The following AGBL1 variants were observed in gnomAD, a reference collection of about 807,000 sequenced individuals.
AGBL1 encodes the protein cytosolic carboxypeptidase 4.
In AGBL1, 130 loss-of-function variants were observed where a neutral mutation model predicts 118.9. The ratio of observed to expected loss-of-function variants is 1.09; its 90% CI spans 0.95 to 1.26. The LOEUF (loss-of-function observed/expected upper bound fraction) is 1.26. Among genes scored for constraint, AGBL1 ranks in the 50% most tolerant of loss-of-function variants. The pLI is 0.00. For missense variants in AGBL1, 1,584 were observed against 1,298.1 expected (o/e 1.22, Z -3.38); for synonymous variants, 555 against 478.9 (o/e 1.16, Z -2.08).
chr15:86,454,156 A>T (rs769035525), intron 18 of AGBL1, among the ~76,000 whole-genome samples: 3 of 152,114 alleles, frequency 2.0e-5, no homozygotes, highest in Non-Finnish European at 4.4e-5. Context: ...GAATCTTTGG[A>T]CTAACCTTAG....
intron 1 of AGBL1, among the ~76,000 whole-genome samples, chr15:86,088,803 A>G (rs1433874721): frequency 6.6e-6 from 1 of 152,136 alleles, no homozygotes; most frequent in Non-Finnish European, 1.5e-5. Flanking sequence ...CTCAGAGAGG[A>G]TTTCTCTGAC....
chr15:86,736,915 T>G (rs2077610503), intron 22 of AGBL1, among the ~76,000 whole-genome samples: 8 of 152,178 alleles, frequency 5.3e-5, no homozygotes. Context: ...GTTTGATCAT[T>G]GGTAATTTCT....
rs184000916 is a variant in AGBL1, at chr15:86,100,488, G to A, written c.51+20465G>A. On this transcript the variant is annotated intron_variant, in intron 1 of 22. Coordinates refer to ENST00000614907, the MANE Select transcript of AGBL1 (RefSeq NM_001386094.1). ...GGGAGAAAGAAAAACCCAGTCTCCC[G>A]TCTTTTGATGGGAGACTTTTTTTTT... is the stretch of plus-strand genomic sequence containing the variant. Among the ~76,000 whole-genome samples the A allele has an allele frequency of 8.6e-4, 131 of 152,054 alleles. 1 individual carries two copies. The highest frequency in any genetic ancestry group is 2.7e-3 in the African/African-American group (114 of 41,484).
chr15:86,801,294 T>C (rs1184966539), intron 22 of AGBL1, among the ~76,000 whole-genome samples: 1 of 147,786 alleles, frequency 6.8e-6, no homozygotes, highest in African/African-American at 2.5e-5. Flanking sequence ...TCTTGGCTTA[T>C]AACTGTTGAT....
At chr15:86,691,842 C>G (rs1392928815) in intron 22 of AGBL1, among the ~76,000 whole-genome samples, 2 of 152,182 alleles carry the variant, frequency 1.3e-5, no homozygotes, top group African/African-American at 4.8e-5. Flanking sequence ...ACAAGGGCCA[C>G]GGGACTGCAT....
intron 1 of AGBL1, among the ~76,000 whole-genome samples, chr15:86,084,066 CT>C (rs976954159): frequency 3.9e-5 from 6 of 152,306 alleles, no homozygotes; most frequent in African/African-American, 7.2e-5. Flanking sequence ...TGAAAACTGT[CT>C]TAATTTCAAG....
chr15:86,300,403 T>C (rs2079727532), intron 17 of AGBL1, among the ~76,000 whole-genome samples: 1 of 152,158 alleles, frequency 6.6e-6, no homozygotes, highest in African/African-American at 2.4e-5. Flanking sequence ...AACAACATTG[T>C]CTTGACTGTC....
At chr15:86,412,108 T>C (rs945829632) in intron 18 of AGBL1, among the ~76,000 whole-genome samples, 3 of 152,182 alleles carry the variant, frequency 2.0e-5, no homozygotes, top group Non-Finnish European at 4.4e-5. Flanking sequence ...TTCATCATCA[T>C]CAAAGCTTGG....
chr15:86,644,851 CAAAAAAA>C (rs11434077), intron 21 of AGBL1, among the ~76,000 whole-genome samples: 1 of 99,628 alleles, frequency 1.0e-5, no homozygotes, highest in African/African-American at 4.1e-5. Flanking sequence ...ACTAAAAATA[CAAAAAAA>C]AAAAAAAAAA....
At chr15:86,952,913 A>C (rs2080894305) in intron 23 of AGBL1, among the ~76,000 whole-genome samples, 1 of 152,194 alleles carries the variant, frequency 6.6e-6, no homozygotes, top group Admixed American at 6.5e-5. Context: ...ATGCAAGCAT[A>C]AGTCATTGAA....
chr15:86,113,287 CTTTTT>C (rs548790563), intron 1 of AGBL1, among the ~76,000 whole-genome samples: 1 of 97,382 alleles, frequency 1.0e-5, no homozygotes, highest in African/African-American at 3.9e-5. Flanking sequence ...TTCTTTCTTT[CTTTTT>C]TTTTTTTTTT....
intron 4 of AGBL1, among the ~76,000 whole-genome samples, chr15:86,156,074 A>G (rs549392908): frequency 6.6e-6 from 1 of 152,126 alleles, no homozygotes; most frequent in Non-Finnish European, 1.5e-5. Context: ...GGGACCTGCC[A>G]TCATGCCTGG....
intron 1 of AGBL1, among the ~76,000 whole-genome samples, chr15:86,141,518 G>A (rs1319619801): frequency 6.6e-6 from 1 of 152,184 alleles, no homozygotes; most frequent in Non-Finnish European, 1.5e-5. Context: ...AGGGGTGGTG[G>A]CACATGCCTG....
At chr15:86,901,044 T>C (rs551595156) in intron 22 of AGBL1, among the ~76,000 whole-genome samples, 1 of 152,188 alleles carries the variant, frequency 6.6e-6, no homozygotes, top group East Asian at 1.9e-4. Flanking sequence ...ATAAGTTTTC[T>C]CTTCATACCC....
At chr15:87,023,440 G>C (rs117473864) in intron 24 of AGBL1, among the ~76,000 whole-genome samples, 1 of 151,908 alleles carries the variant, frequency 6.6e-6, no homozygotes, top group South Asian at 2.1e-4. Context: ...TCTCAATCCT[G>C]AATGTATATG....
At position 86,154,336 on chromosome 15, in the gene AGBL1, C is replaced by T. The variant is rs1469632815; in HGVS notation, c.263-94C>T. On this transcript the variant is annotated intron_variant, in intron 3 of 22. Coordinates refer to ENST00000614907, the MANE Select transcript of AGBL1 (RefSeq NM_001386094.1). ...AATGTCTTTGGCTATGATTATCCTC[C>T]TCCTTCACCATCTTCCCCTTCCTCC... is the stretch of plus-strand genomic sequence containing the variant. 23 of 1,385,240 alleles carry T rather than the reference C, an allele frequency of 1.7e-5. No homozygotes were observed. The Admixed American group carries it at 1.9e-4, about 11-fold the overall frequency. 85.8% of individuals were successfully genotyped at this position (1,385,240 alleles called of 1,614,324 possible). A position where few individuals can be genotyped will look rare whatever the true frequency, so the allele number is the denominator to read the frequency against.
intron 5 of AGBL1, among the ~76,000 whole-genome samples, chr15:86,160,572 G>T (rs1049496777): frequency 1.3e-5 from 2 of 152,186 alleles, no homozygotes; most frequent in Admixed American, 6.5e-5. Context: ...TTATCATTGT[G>T]TGCAGGCCTT....
intron 18 of AGBL1, among the ~76,000 whole-genome samples, chr15:86,407,196 C>T (rs1005761788): frequency 6.6e-6 from 1 of 152,032 alleles, no homozygotes; most frequent in African/African-American, 2.4e-5. Context: ...TTACAACTAC[C>T]TGAAAAAGTA....
At chr15:86,509,284 T>C (rs35123106) in intron 18 of AGBL1, among the ~76,000 whole-genome samples, 1 of 151,724 alleles carries the variant, frequency 6.6e-6, no homozygotes, top group Non-Finnish European at 1.5e-5. Context: ...AAGAAAGAGA[T>C]GGAGAAGAAA....
Sources: gnomAD v4.1 joint callset for allele counts (sites outside exome capture counted in the v4.1 genomes callset) on GRCh38, gnomAD v4.1.1 for gene constraint, MANE v1.5 for transcripts, NCBI Gene and HGNC (gene_info 2026-07-23, HGNC 2026-07-21) for gene names.